The following POTEM variants were observed in gnomAD, a reference collection of about 807,000 sequenced individuals.
POTEM encodes putative POTE ankyrin domain family member M.
For missense variants in POTEM, 24 were observed against 343.0 expected (o/e 0.07, Z 7.35); for synonymous variants, 8 against 113.2 (o/e 0.07, Z 5.90).
intron 1 of POTEM, among the ~76,000 whole-genome samples, chr14:18,968,797 T>G (rs1890826404): frequency 6.6e-6 from 1 of 152,266 alleles, no homozygotes; most frequent in Non-Finnish European, 1.5e-5. Context: ...TACTCCAGCC[T>G]GGGAGACAGA....
In POTEM at chr14:19,002,864, A is replaced by AGCACACAGGAGGGCAGC. The variant is rs1891410025; in HGVS notation, c.*4200_*4216dup. Among the ~76,000 whole-genome samples the AGCACACAGGAGGGCAGC allele has an allele frequency of 6.6e-6, 1 of 152,300 alleles. No homozygotes were observed. The highest frequency in any genetic ancestry group is 2.4e-5 in the African/African-American group (1 of 41,486). On this transcript the variant is annotated 3_prime_UTR_variant, in exon 11 of 11. Transcript: ENST00000547889. ...TGGATTTTGCTTTACTTGCACTGAC[A>AGCACACAGGAGGGCAGC]GCACACAGGAGGGCAGCACACACCC... is the stretch of plus-strand genomic sequence containing the variant.
chr14:18,991,138 C>G (rs1005807127), intron 9 of POTEM, among the ~76,000 whole-genome samples: 1 of 131,482 alleles, frequency 7.6e-6, no homozygotes, highest in Non-Finnish European at 1.7e-5. Context: ...CCTGCCTTGG[C>G]CTCACGAAGT....
At chr14:18,969,391 T>C (rs1347623454) in intron 1 of POTEM, among the ~76,000 whole-genome samples, 1 of 111,232 alleles carries the variant, frequency 9.0e-6, no homozygotes, top group Non-Finnish European at 1.8e-5. Flanking sequence ...ACAAAATTTC[T>C]TTTTTTTTTT....
chr14:18,996,171 C>T (rs1389463256), intron 9 of POTEM, among the ~76,000 whole-genome samples: 3 of 151,676 alleles, frequency 2.0e-5, no homozygotes, highest in African/African-American at 7.3e-5. Flanking sequence ...TCTTAATATG[C>T]ATGAAATAAA....
chr14:18,986,347 C>G (rs1212884465), intron 7 of POTEM, among the ~76,000 whole-genome samples: 1 of 141,322 alleles, frequency 7.1e-6, no homozygotes, highest in Admixed American at 6.9e-5. Flanking sequence ...AAGATATATT[C>G]TGCCTTGTGG....
rs1284654181 is a variant in POTEM, at chr14:18,969,357, G to GTGTATA, written c.521+1352_521+1353insGTATAT. Reference sequence around the variant, plus strand: ...TACGTATATACATATATATACATGTGTATATATATATATATATATATACAC... The same window carrying GTGTATA: ...TACGTATATACATATATATACATGTGTGTATATATATATATATATATATATATACAC... On this transcript the variant is annotated intron_variant, in intron 1 of 10. Transcript: ENST00000547889. Among the ~76,000 whole-genome samples, 30 of 105,360 alleles carry GTGTATA rather than the reference G, an allele frequency of 2.8e-4. 1 individual carries two copies. Among genetic ancestry groups the GTGTATA allele is most frequent in the African/African-American group, 1.1e-3 (26 of 23,290 alleles). 69.1% of individuals were successfully genotyped at this position (105,360 alleles called of 152,430 possible). A position where few individuals can be genotyped will look rare whatever the true frequency, so the allele number is the denominator to read the frequency against.
In POTEM at chr14:18,992,937, C is replaced by A. The variant is rs1594279015; in HGVS notation, c.1410-4104C>A. Reference sequence around the variant, plus strand: ...TTAGAGATAGAGTCTTGCTCTGTCACCCAGGCTGCAGTGCAGTGGCGTGAC... The same window carrying A: ...TTAGAGATAGAGTCTTGCTCTGTCAACCAGGCTGCAGTGCAGTGGCGTGAC... On this transcript the variant is annotated intron_variant, in intron 9 of 10. Transcript: ENST00000547889. Among the ~76,000 whole-genome samples the A allele has an allele frequency of 6.1e-5, 4 of 65,630 alleles. 2 individuals carry two copies. The highest frequency in any genetic ancestry group is 3.0e-4 in the African/African-American group (4 of 13,290). 43.1% of individuals were successfully genotyped at this position (65,630 alleles called of 152,430 possible).
Position 18,994,751 on chromosome 14 carries a change from T to C in POTEM, c.1410-2290T>C, listed in dbSNP as rs1244881851. ...TCTATTTTTAGTTCTTTGAGAACTC[T>C]CCATACTGTTGTCCATAGATTTGTA... On this transcript the variant is annotated intron_variant, in intron 9 of 10. Transcript: ENST00000547889. Among the ~76,000 whole-genome samples, 53 of 64,578 alleles carry C rather than the reference T, an allele frequency of 8.2e-4. 1 individual carries two copies. In the Middle Eastern group the frequency reaches 0.027, roughly 33 times the overall value. 42.4% of individuals were successfully genotyped at this position (64,578 alleles called of 152,430 possible).
chr14:18,986,919 C>G (rs201787059), intron 7 of POTEM, among the ~76,000 whole-genome samples: 19,821 of 126,332 alleles, frequency 0.16, 56 homozygotes, highest in African/African-American at 0.27. Flanking sequence ...TTTCTTCTCC[C>G]TTTGGCTAAG....
intron 7 of POTEM, 80 bp from the exon 8 acceptor site, chr14:18,987,088 AT>A (rs1891202380): frequency 7.0e-6 from 1 of 143,014 alleles, no homozygotes; most frequent in Admixed American, 8.2e-5. Context: ...GAATAAAATT[AT>A]TTTAAAAACA....
chr14:18,968,952 C>G (rs1594270975), intron 1 of POTEM, among the ~76,000 whole-genome samples: 1 of 149,644 alleles, frequency 6.7e-6, no homozygotes, highest in African/African-American at 2.5e-5. Flanking sequence ...TTTTTTGTAG[C>G]AGAATGGACA....
chr14:18,980,151 CTT>C lies in POTEM; in HGVS notation c.1126+8_1126+9del, dbSNP rs1891045693. On this transcript the variant is annotated splice_region_variant and intron_variant, in intron 6 of 10. Transcript: ENST00000547889. ...TCTGAAAACAGCAATCCAGGTAAGA[CTT>C]ATAACAGTGAATTACTTTAGGTTAG... 2.1e-6 allele frequency: 2 copies of C among 945,100 alleles called. No homozygotes were observed. Among genetic ancestry groups the C allele is most frequent in the Non-Finnish European group, 2.9e-6 (2 of 678,816 alleles). The allele number at this position is 945,100 out of a possible 1,614,324, so 58.5% of individuals were successfully genotyped here.
chr14:18,991,043 C>T (rs1187172149), intron 9 of POTEM, among the ~76,000 whole-genome samples: 1 of 102,380 alleles, frequency 9.8e-6, no homozygotes, highest in Non-Finnish European at 2.2e-5. Flanking sequence ...GACACCATAC[C>T]TGGCTAATTT....
rs1400439260 is a variant in POTEM at position 19,002,961 on chromosome 14, C to T, written c.*4296C>T. ...TTTCATGTCCAGCAAAATTAGGCAT[C>T]ATAAGTGAAGGAGAAATAAGATCCT... On this transcript the variant is annotated 3_prime_UTR_variant, in exon 11 of 11. Transcript: ENST00000547889. Among the ~76,000 whole-genome samples the T allele has an allele frequency of 6.6e-6, 1 of 152,168 alleles. No individual in the cohort carries two copies. Among genetic ancestry groups the T allele is most frequent in the Non-Finnish European group, 1.5e-5 (1 of 68,012 alleles).
rs1891422346 is a variant in POTEM, at chr14:19,003,285, A to G, written c.*4620A>G. Reference sequence around the variant, plus strand: ...AGACACGGGGCAAGCTGGATAAAGAACCAAGACCCACTGGAGTATGCTGTC... The same window carrying G: ...AGACACGGGGCAAGCTGGATAAAGAGCCAAGACCCACTGGAGTATGCTGTC... On this transcript the variant is annotated 3_prime_UTR_variant, in exon 11 of 11. Coordinates refer to ENST00000547889, the MANE Select transcript of POTEM (RefSeq NM_001145442.1). Among the ~76,000 whole-genome samples, 1 of 145,064 alleles carries G rather than the reference A, an allele frequency of 6.9e-6. No individual in the cohort carries two copies. The highest frequency in any genetic ancestry group is 2.0e-4 in the East Asian group (1 of 5,114).
At chr14:18,969,012 A>T (rs1890833280) in intron 1 of POTEM, among the ~76,000 whole-genome samples, 1 of 150,480 alleles carries the variant, frequency 6.6e-6, no homozygotes, top group Non-Finnish European at 1.5e-5. Flanking sequence ...TATTTCCACA[A>T]ATTGTTTACT....
Position 18,982,774 on chromosome 14 carries a change from T to C in POTEM, c.1126+2630T>C, listed in dbSNP as rs1333548545. On this transcript the variant is annotated intron_variant, in intron 6 of 10. Coordinates refer to ENST00000547889, the MANE Select transcript of POTEM (RefSeq NM_001145442.1). ...TTGTTTTTTTTTTTTTTTGGTGTTA[T>C]GCTTTTTTCATTTGTTTAGCTTAAT... Among the ~76,000 whole-genome samples the C allele has an allele frequency of 3.9e-5, 3 of 76,716 alleles. 1 individual carries two copies. The highest frequency in any genetic ancestry group is 6.1e-5 in the Non-Finnish European group (2 of 32,554). The allele number at this position is 76,716 out of a possible 152,430, so 50.3% of individuals were successfully genotyped here. A position where few individuals can be genotyped will look rare whatever the true frequency, so the allele number is the denominator to read the frequency against.
chr14:18,981,703 A>T (rs1891085918), intron 6 of POTEM, among the ~76,000 whole-genome samples: 5 of 150,204 alleles, frequency 3.3e-5, no homozygotes, highest in Admixed American at 3.3e-4. Context: ...AAAAGACAAG[A>T]TGCTTGAGTG....
At position 18,976,107 on chromosome 14, in the gene POTEM, T is replaced by A. The variant is rs1202893834; in HGVS notation, c.869T>A (p.Phe290Tyr). 35 of 383,684 alleles carry A rather than the reference T, an allele frequency of 9.1e-5. 9 individuals carry two copies. Among genetic ancestry groups the A allele is most frequent in the Middle Eastern group, 7.4e-4 (1 of 1,360 alleles). 23.8% of individuals were successfully genotyped at this position (383,684 alleles called of 1,614,324 possible). A position where few individuals can be genotyped will look rare whatever the true frequency, so the allele number is the denominator to read the frequency against. The stretch of plus-strand genomic sequence containing the variant: ...GAGCAAAAACAGCAAGTGGTGAAAT[T>A]CTTAATCAAGAAAAAAGCAAATTTA... ...VHEQKQQVVK[F>Y]LIKKKANLNA... The change falls in exon 4 of 11, where the codon TTC (phenylalanine) becomes TAC (tyrosine). Residue 290 changes from phenylalanine to tyrosine, a missense_variant. By Grantham distance (22) the Phe-to-Tyr change is conservative (BLOSUM62 3). Transcript: ENST00000547889.
Sources: gnomAD v4.1 joint callset for allele counts (sites outside exome capture counted in the v4.1 genomes callset) on GRCh38, gnomAD v4.1.1 for gene constraint, MANE v1.5 for transcripts, NCBI Gene and HGNC (gene_info 2026-07-23, HGNC 2026-07-21) for gene names.